Variants in PAFAH1B1 observed in about 807,000 individuals in gnomAD.
PAFAH1B1 encodes platelet-activating factor acetylhydrolase IB subunit beta.
PAFAH1B1 carries 2 observed loss-of-function variants against 57.5 expected under a neutral mutation model. The ratio of observed to expected loss-of-function variants is 0.03; its 90% CI spans 0.01 to 0.11. PAFAH1B1 has a LOEUF of 0.11. Among genes scored for constraint, PAFAH1B1 ranks in the 10% least tolerant of loss-of-function variants. The pLI, the probability that PAFAH1B1 is intolerant of heterozygous loss-of-function variation, is 1.00. For synonymous variants in PAFAH1B1, 152 were observed against 169.6 expected, an observed-to-expected ratio of 0.90 and a Z score of 0.81; for missense variants, 257 against 512.0, an observed-to-expected ratio of 0.50 and a Z score of 4.81.
At chr17:2,648,272 C>T (rs2068796043) in intron 2 of PAFAH1B1, among the ~76,000 whole-genome samples, 1 of 152,128 alleles carries the variant, frequency 6.6e-6, no homozygotes, top group African/African-American at 2.4e-5. Flanking sequence ...TCCCTCCCAC[C>T]ACACGTGGGG....
At chr17:2,595,038 T>A (rs2068070012) in intron 1 of PAFAH1B1, among the ~76,000 whole-genome samples, 1 of 152,156 alleles carries the variant, frequency 6.6e-6, no homozygotes, top group African/African-American at 2.4e-5. Flanking sequence ...GCAGGAAATT[T>A]TCTTTTGGGG....
chr17:2,630,358 T>C (rs1319822541), intron 1 of PAFAH1B1, among the ~76,000 whole-genome samples: 2 of 152,154 alleles, frequency 1.3e-5, no homozygotes, highest in African/African-American at 4.8e-5. Flanking sequence ...TAGCTTTCCT[T>C]CATACACGAT....
intron 1 of PAFAH1B1, among the ~76,000 whole-genome samples, chr17:2,611,934 T>A (rs1026812857): frequency 6.6e-6 from 1 of 152,086 alleles, no homozygotes; most frequent in African/African-American, 2.4e-5. Context: ...GCTTAATTGT[T>A]TGGGGTCAAA....
chr17:2,613,567 C>T (rs926458047), intron 1 of PAFAH1B1: 5 of 275,564 alleles, frequency 1.8e-5, no homozygotes, highest in Admixed American at 4.8e-5. Flanking sequence ...GCTTCAACCC[C>T]GTGGTGGTCA....
At position 2,682,981 on chromosome 17, in the gene PAFAH1B1, G is replaced by A. The variant is rs967921347; in HGVS notation, c.*1179G>A. The A allele has an allele frequency of 1.0e-4, 16 of 152,616 alleles. No homozygotes were observed. Among genetic ancestry groups the A allele is most frequent in the African/African-American group, 3.9e-4 (16 of 41,438 alleles). 9.5% of individuals were successfully genotyped at this position (152,616 alleles called of 1,614,324 possible). The stretch of plus-strand genomic sequence containing the variant: ...ATACACATCAACCTCCATGTCCTTA[G>A]TCCTGGGTTTTTGAAAAAGTGCTAA... On this transcript the variant is annotated 3_prime_UTR_variant, in exon 11 of 11. Coordinates refer to ENST00000397195, the MANE Select transcript of PAFAH1B1 (RefSeq NM_000430.4).
chr17:2,657,523 C>T (rs1451747433), intron 2 of PAFAH1B1, among the ~76,000 whole-genome samples: 1 of 152,202 alleles, frequency 6.6e-6, no homozygotes, highest in Non-Finnish European at 1.5e-5. Flanking sequence ...GGATTACAGG[C>T]GTGAGCTACC....
At chr17:2,677,287 C>G (rs566541628) in intron 9 of PAFAH1B1, among the ~76,000 whole-genome samples, 1 of 152,246 alleles carries the variant, frequency 6.6e-6, no homozygotes, top group African/African-American at 2.4e-5. Context: ...ACTGTTATAC[C>G]TCCTTGCTCA....
intron 9 of PAFAH1B1, among the ~76,000 whole-genome samples, chr17:2,679,222 C>G (rs2069324281): frequency 6.6e-6 from 1 of 152,224 alleles, no homozygotes; most frequent in Admixed American, 6.5e-5. Flanking sequence ...TGCTCTTCTA[C>G]ACTGATCTAC....
intron 1 of PAFAH1B1, among the ~76,000 whole-genome samples, chr17:2,624,040 T>C (rs547031051): frequency 3.4e-4 from 52 of 152,300 alleles, no homozygotes; most frequent in African/African-American, 1.2e-3. Flanking sequence ...CCCTAAATCA[T>C]CTTTCTCAAG....
At chr17:2,616,424 G>C (rs2068341293) in intron 1 of PAFAH1B1, among the ~76,000 whole-genome samples, 1 of 152,166 alleles carries the variant, frequency 6.6e-6, no homozygotes, top group African/African-American at 2.4e-5. Flanking sequence ...AAAATCTGTA[G>C]GGTAGGCTGA....
chr17:2,674,555 A>G (rs1002654557), intron 8 of PAFAH1B1, among the ~76,000 whole-genome samples: 2 of 152,226 alleles, frequency 1.3e-5, no homozygotes, highest in East Asian at 1.9e-4. Context: ...AATCAGTGTT[A>G]TGAGATCATC....
intron 1 of PAFAH1B1, among the ~76,000 whole-genome samples, chr17:2,632,140 G>T (rs1287998458): frequency 6.6e-6 from 1 of 152,138 alleles, no homozygotes; most frequent in Non-Finnish European, 1.5e-5. Flanking sequence ...TGTTGCTCAG[G>T]CTGGTCTTGA....
chr17:2,655,411 C>G (rs941252365), intron 2 of PAFAH1B1, among the ~76,000 whole-genome samples: 5 of 152,122 alleles, frequency 3.3e-5, no homozygotes, highest in African/African-American at 1.2e-4. Context: ...CAGTGGCTCA[C>G]TTCTGTAATC....
In PAFAH1B1 at chr17:2,680,067, T is replaced by C. The variant is rs1483944470; in HGVS notation, c.1003-97T>C. On this transcript the variant is annotated intron_variant, in intron 9 of 10. Coordinates refer to ENST00000397195, the MANE Select transcript of PAFAH1B1 (RefSeq NM_000430.4). ...AGACTTTTATTTTCTTCTGGTCTTT[T>C]GATGTTTTTGGTATGTATAGTTTTA... 6 of 1,075,020 alleles carry C rather than the reference T, an allele frequency of 5.6e-6. No homozygotes were observed. In the East Asian group the frequency reaches 1.4e-4, roughly 25 times the overall value. The allele number at this position is 1,075,020 out of a possible 1,614,324, so 66.6% of individuals were successfully genotyped here. A position where few individuals can be genotyped will look rare whatever the true frequency, so the allele number is the denominator to read the frequency against.
At chr17:2,661,103 TC>T (rs1410527371) in intron 2 of PAFAH1B1, among the ~76,000 whole-genome samples, 1 of 152,160 alleles carries the variant, frequency 6.6e-6, no homozygotes, top group Non-Finnish European at 1.5e-5. Context: ...GGTTTTTTTT[TC>T]CCGTTCTGTA....
intron 1 of PAFAH1B1, among the ~76,000 whole-genome samples, chr17:2,595,015 C>CTTTCCAAGAGTGCCCT (rs1253613242): frequency 2.0e-5 from 3 of 152,112 alleles, no homozygotes; most frequent in Admixed American, 6.5e-5. Flanking sequence ...GCAAGAAACT[C>CTTTCCAAGAGTGCCCT]CTTGGGAAGA....
chr17:2,680,517 C>CT (rs1390663475), intron 10 of PAFAH1B1, among the ~76,000 whole-genome samples, 197 bp downstream of exon 10: 1 of 152,150 alleles, frequency 6.6e-6, no homozygotes, highest in Non-Finnish European at 1.5e-5. Context: ...CATCGTTAGC[C>CT]TTATAATAAA....
chr17:2,607,635 C>A (rs2068220983), intron 1 of PAFAH1B1, among the ~76,000 whole-genome samples: 3 of 151,844 alleles, frequency 2.0e-5, no homozygotes, highest in African/African-American at 7.3e-5. Context: ...AGGCATGTAC[C>A]ACCACACCTA....
intron 1 of PAFAH1B1, among the ~76,000 whole-genome samples, chr17:2,633,919 G>T (rs2068587693): frequency 6.8e-6 from 1 of 147,158 alleles, no homozygotes; most frequent in Non-Finnish European, 1.5e-5. Context: ...CTTACCATCT[G>T]CTGTGGTTTC....
Sources: gnomAD v4.1 joint callset for allele counts (sites outside exome capture counted in the v4.1 genomes callset) on GRCh38, gnomAD v4.1.1 for gene constraint, MANE v1.5 for transcripts, NCBI Gene and HGNC (gene_info 2026-07-23, HGNC 2026-07-21) for gene names.